NALCN: variants seen among roughly 807,000 people sequenced by gnomAD.
The protein encoded by NALCN is sodium leak channel NALCN.
A neutral mutation model predicts 225.3 loss-of-function variants in NALCN; 111 were observed. That is an observed-to-expected ratio of 0.49 (90% CI 0.42 to 0.58). NALCN has a LOEUF of 0.58. Among genes scored for constraint, NALCN ranks in the 20% least tolerant of loss-of-function variants. The pLI is 0.00. For synonymous variants in NALCN, 764 were observed against 769.0 expected, an observed-to-expected ratio of 0.99 and a Z score of 0.11; for missense variants, 1,378 against 2,202.4, an observed-to-expected ratio of 0.63 and a Z score of 7.49.
Position 101,144,858 on chromosome 13 carries a change from C to T in NALCN, c.1878G>A (p.Lys626=). 6.2e-7 allele frequency: 1 copy of T among 1,612,532 alleles called. No individual in the cohort carries two copies. The part of the protein sequence containing the change: ...QSEANADTKE[K]LPLRLRIFEK... ...CAAAGATTCGCAGGCGTAAAGGGAG[C>T]TTTTCTTTGGTGTCCGCATTTGCTT... Residue 626 remains lysine, a synonymous_variant, in exon 16 of 44, where the codon AAG becomes AAA. Transcript: ENST00000251127.
At chr13:101,140,069 G>A (rs772843947) in intron 17 of NALCN, among the ~76,000 whole-genome samples, 58 of 152,244 alleles carry the variant, frequency 3.8e-4, no homozygotes, top group Non-Finnish European at 3.2e-4. Flanking sequence ...AACCTAGATC[G>A]AATCAAAGCT....
intron 3 of NALCN, among the ~76,000 whole-genome samples, chr13:101,381,735 A>T (rs904750050): frequency 1.3e-5 from 2 of 152,182 alleles, no homozygotes; most frequent in Non-Finnish European, 2.9e-5. Context: ...TTCTGAATGA[A>T]ATAAAATATA....
At chr13:101,068,222 G>A (rs150077564) in intron 38 of NALCN, among the ~76,000 whole-genome samples, 189 bp from the exon 39 acceptor site, 74 of 152,248 alleles carry the variant, frequency 4.9e-4, no homozygotes, top group African/African-American at 1.8e-3. Context: ...TCCAGCTCCT[G>A]CCTTTCCAAA....
intron 11 of NALCN, among the ~76,000 whole-genome samples, chr13:101,244,960 G>C (rs2041850387): frequency 6.6e-6 from 1 of 152,206 alleles, no homozygotes; most frequent in African/African-American, 2.4e-5. Context: ...ATCTAAAAGG[G>C]AGAAGGCAAC....
chr13:101,080,537 T>C (rs576461126), intron 34 of NALCN, among the ~76,000 whole-genome samples: 69 of 129,828 alleles, frequency 5.3e-4, no homozygotes, highest in Admixed American at 4.8e-3. Flanking sequence ...GTTATAAGTA[T>C]ATAAATAATA....
chr13:101,386,504 T>C (rs889158340), intron 3 of NALCN, among the ~76,000 whole-genome samples: 1 of 152,168 alleles, frequency 6.6e-6, no homozygotes, highest in Admixed American at 6.5e-5. Flanking sequence ...ACTTGGAAAC[T>C]GTACTTGGGT....
At chr13:101,084,808 T>C (rs952649008) in intron 30 of NALCN, among the ~76,000 whole-genome samples, 1 of 152,170 alleles carries the variant, frequency 6.6e-6, no homozygotes, top group African/African-American at 2.4e-5. Flanking sequence ...GGTTTCTCCA[T>C]TGTTGATCTC....
chr13:101,205,021 C>T (rs769887806), intron 13 of NALCN, among the ~76,000 whole-genome samples: 2 of 152,086 alleles, frequency 1.3e-5, no homozygotes, highest in Non-Finnish European at 2.9e-5. Flanking sequence ...TTACAGGTAG[C>T]AAATGGTGTT....
intron 34 of NALCN, among the ~76,000 whole-genome samples, chr13:101,080,911 A>G (rs2139505019): frequency 6.6e-6 from 1 of 152,130 alleles, no homozygotes; most frequent in Middle Eastern, 3.4e-3. Flanking sequence ...ACAGTTCAGT[A>G]CACCCATAGC....
chr13:101,063,862 C>A (rs544028218), intron 40 of NALCN, among the ~76,000 whole-genome samples: 1 of 152,076 alleles, frequency 6.6e-6, no homozygotes, highest in African/African-American at 2.4e-5. Context: ...GCTAGTCAGT[C>A]GCTCTTATTT....
rs555844158 is a variant in NALCN at position 101,228,784 on chromosome 13, T to C, written c.1626+609A>G. Among the ~76,000 whole-genome samples, 3 of 152,310 alleles carry C rather than the reference T, an allele frequency of 2.0e-5. No individual in the cohort carries two copies. The East Asian group carries it at 5.8e-4, about 29-fold the overall frequency. The stretch of plus-strand genomic sequence containing the variant: ...AGGGTAAAAATATATACATTATTTG[T>C]CTGGTCATTGTATTTTTTTATGTTT... On this transcript the variant is annotated intron_variant, in intron 13 of 43. Coordinates refer to ENST00000251127, the MANE Select transcript of NALCN (RefSeq NM_052867.4).
At chr13:101,390,560 G>C (rs372589987) in intron 3 of NALCN, among the ~76,000 whole-genome samples, 1 of 151,834 alleles carries the variant, frequency 6.6e-6, no homozygotes, top group African/African-American at 2.4e-5. Flanking sequence ...AAATATATCC[G>C]TAACTATCAA....
At chr13:101,160,050 G>A (rs1051768574) in intron 15 of NALCN, among the ~76,000 whole-genome samples, 1 of 152,114 alleles carries the variant, frequency 6.6e-6, no homozygotes, top group African/African-American at 2.4e-5. Flanking sequence ...TGCCTCCTGG[G>A]TTCAAGCGAT....
chr13:101,168,089 T>C (rs1425277267), intron 15 of NALCN, among the ~76,000 whole-genome samples: 1 of 152,184 alleles, frequency 6.6e-6, no homozygotes, highest in Non-Finnish European at 1.5e-5. Context: ...CTTGAAACTC[T>C]TTCACCTTTT....
intron 15 of NALCN, among the ~76,000 whole-genome samples, chr13:101,172,951 G>T (rs9518327): frequency 0.25 from 37,743 of 152,058 alleles, 5,415 homozygotes; most frequent in Non-Finnish European, 0.33. Flanking sequence ...TATTAACACA[G>T]TTAAAAACAT....
chr13:101,144,928 G>A (rs1323938145), intron 15 of NALCN, 32 bp from the exon 16 acceptor site: 14 of 1,593,408 alleles, frequency 8.8e-6, no homozygotes, highest in Non-Finnish European at 1.2e-5. Context: ...GAAAAAAAGG[G>A]GGAACCTATA....
chr13:101,385,899 C>T (rs547598017), intron 3 of NALCN, among the ~76,000 whole-genome samples: 64 of 152,282 alleles, frequency 4.2e-4, no homozygotes, highest in African/African-American at 1.5e-3. Context: ...TAAAATCTTA[C>T]ATCTTACAGT....
rs377470941 is a variant in NALCN at position 101,313,143 on chromosome 13, A to G, written c.800-20777T>C. 1.5e-4 allele frequency among the ~76,000 whole-genome samples: 23 copies of G among 152,128 alleles called. No individual in the cohort carries two copies. In the East Asian group the frequency reaches 1.9e-3, roughly 13 times the overall value. Reference sequence around the variant, plus strand: ...TGGCTAGCCATATGTAGAAAGCTGAAACTGGATCCCTTCCTTACACCTTAT... The same window carrying G: ...TGGCTAGCCATATGTAGAAAGCTGAGACTGGATCCCTTCCTTACACCTTAT... On this transcript the variant is annotated intron_variant, in intron 7 of 43. Transcript: ENST00000251127.
intron 14 of NALCN, among the ~76,000 whole-genome samples, chr13:101,183,696 G>T (rs2039334199): frequency 6.6e-6 from 1 of 152,086 alleles, no homozygotes; most frequent in Non-Finnish European, 1.5e-5. Flanking sequence ...CCGACCTCAG[G>T]TGATCCACCC....
Sources: gnomAD v4.1 joint callset for allele counts (sites outside exome capture counted in the v4.1 genomes callset) on GRCh38, gnomAD v4.1.1 for gene constraint, MANE v1.5 for transcripts, NCBI Gene and HGNC (gene_info 2026-07-23, HGNC 2026-07-21) for gene names.